PEAK1: variants seen among roughly 807,000 people sequenced by gnomAD.
PEAK1 encodes the protein inactive tyrosine-protein kinase PEAK1.
A neutral mutation model predicts 124.7 loss-of-function variants in PEAK1; 54 were observed. The observed-to-expected ratio is 0.43, with a 90% CI of 0.35 to 0.54. The LOEUF (loss-of-function observed/expected upper bound fraction) is 0.54. Among genes scored for constraint, PEAK1 ranks in the 20% least tolerant of loss-of-function variants. The pLI is 0.01. For synonymous variants in PEAK1, 719 were observed against 760.0 expected, an observed-to-expected ratio of 0.95 and a Z score of 0.89; for missense variants, 2,046 against 2,134.5, an observed-to-expected ratio of 0.96 and a Z score of 0.82.
chr15:77,258,687 T>C (rs900220044), intron 5 of PEAK1, among the ~76,000 whole-genome samples: 2 of 152,204 alleles, frequency 1.3e-5, no homozygotes, highest in Non-Finnish European at 2.9e-5. Flanking sequence ...ACAATTTGAC[T>C]TCCTCTTTTC....
intron 1 of PEAK1, among the ~76,000 whole-genome samples, chr15:77,376,450 C>T (rs1363538006): frequency 1.3e-5 from 2 of 152,056 alleles, no homozygotes; most frequent in African/African-American, 2.4e-5. Flanking sequence ...CAGAATATAC[C>T]TACCCTAGCA....
Position 77,347,588 on chromosome 15 carries a change from TG to T in PEAK1, c.-603+17574del, listed in dbSNP as rs373780740. The stretch of plus-strand genomic sequence containing the variant: ...TTCTGGATGTATTTGTCCTAATACT[TG>T]TTTGACCTACACATTTGAGATAGCC... On this transcript the variant is annotated intron_variant, in intron 2 of 9. Transcript: ENST00000682557. The T allele has an allele frequency of 3.0e-5, 30 of 985,362 alleles. No individual in the cohort carries two copies. The African/African-American group carries it at 4.9e-4, about 16-fold the overall frequency. 61.0% of individuals were successfully genotyped at this position (985,362 alleles called of 1,614,324 possible). A position where few individuals can be genotyped will look rare whatever the true frequency, so the allele number is the denominator to read the frequency against.
chr15:77,381,631 C>T (rs2069489963), intron 1 of PEAK1, among the ~76,000 whole-genome samples: 1 of 152,152 alleles, frequency 6.6e-6, no homozygotes, highest in Admixed American at 6.5e-5. Context: ...ACCAGAAAAT[C>T]ATCCTTTTCA....
intron 9 of PEAK1, among the ~76,000 whole-genome samples, chr15:77,126,214 T>C (rs550489703): frequency 6.6e-6 from 1 of 152,352 alleles, no homozygotes; most frequent in East Asian, 1.9e-4. Context: ...ATTAGTATTC[T>C]GCTACTTTCA....
At position 77,133,858 on chromosome 15, in the gene PEAK1, G is replaced by C. The variant is rs533224309; in HGVS notation, c.3332-108C>G. 1 of 1,229,734 alleles carries C rather than the reference G, an allele frequency of 8.1e-7. No individual in the cohort carries two copies. The highest frequency in any genetic ancestry group is 1.5e-5 in the African/African-American group (1 of 65,774). 76.2% of individuals were successfully genotyped at this position (1,229,734 alleles called of 1,614,324 possible). On this transcript the variant is annotated intron_variant, in intron 8 of 9. Coordinates refer to ENST00000682557, the MANE Select transcript of PEAK1 (RefSeq NM_001385026.1). The surrounding 1 kb of genome is among the most constrained non-coding windows in gnomAD (Gnocchi z 4.2). ...GAGTGAGGTAGCCATGGGAATGTAA[G>C]AATAAGTCAACTCTTTAGTTCAAAA...
At chr15:77,260,189 C>A (rs567296366) in intron 5 of PEAK1, among the ~76,000 whole-genome samples, 2 of 152,014 alleles carry the variant, frequency 1.3e-5, no homozygotes, top group African/African-American at 4.8e-5. Flanking sequence ...GAGTGAGGGG[C>A]CCTAGAATAA....
rs866750462 is a variant in PEAK1 at position 77,181,214 on chromosome 15, T to C, written c.713A>G (p.Glu238Gly). Residue 238 changes from glutamate (E) to glycine (G), a missense_variant, in exon 7 of 10, where the codon GAG (glutamate) becomes GGG (glycine). Transcript: ENST00000682557. Reference protein sequence around the residue: ...PEFSSGEESEEDVLFSNMEEE... With the variant: ...PEFSSGEESEGDVLFSNMEEE... ...CTCCATGTTACTGAAAAGTACATCC[T>C]CTTCACTCTCCTCGCCACTGGAAAA... 1 of 1,614,012 alleles carries C rather than the reference T, an allele frequency of 6.2e-7. No homozygotes were observed. Among genetic ancestry groups the C allele is most frequent in the Middle Eastern group, 1.6e-4 (1 of 6,062 alleles).
intron 5 of PEAK1, among the ~76,000 whole-genome samples, chr15:77,262,314 C>A (rs1202027717): frequency 3.9e-5 from 6 of 152,050 alleles, no homozygotes; most frequent in Admixed American, 3.9e-4. Flanking sequence ...CACAGACTGG[C>A]AAATTGGATA....
chr15:77,153,468 T>C (rs1176529277), intron 8 of PEAK1, among the ~76,000 whole-genome samples: 1 of 152,226 alleles, frequency 6.6e-6, no homozygotes, highest in Non-Finnish European at 1.5e-5. Context: ...GAAGGGTTTT[T>C]TGTGTCTCTA....
In PEAK1 at chr15:77,250,175, G is replaced by GTATATGTATATATATACATATATACATA. The variant is rs1567166323; in HGVS notation, c.-115+2191_-115+2192insTATGTATATATGTATATATATACATATA. On this transcript the variant is annotated intron_variant, in intron 6 of 9. Transcript: ENST00000682557. ...TATATACATATATATACATATATAT[G>GTATATGTATATATATACATATATACATA]TATATGTATATATATACATATATAT... is the stretch of plus-strand genomic sequence containing the variant. 3.3e-3 allele frequency among the ~76,000 whole-genome samples: 436 copies of GTATATGTATATATATACATATATACATA among 130,846 alleles called. 4 individuals are homozygous for GTATATGTATATATATACATATATACATA. Among genetic ancestry groups the GTATATGTATATATATACATATATACATA allele is most frequent in the African/African-American group, 0.012 (401 of 32,634 alleles). The allele number at this position is 130,846 out of a possible 152,430, so 85.8% of individuals were successfully genotyped here. A position where few individuals can be genotyped will look rare whatever the true frequency, so the allele number is the denominator to read the frequency against.
Position 77,181,392 on chromosome 15 carries a change from T to C in PEAK1, c.535A>G (p.Arg179Gly). The part of the protein sequence containing the change: ...ETNSRETFLG[R>G]INDCYKRSLE... ...GATCGTTTATAGCAATCATTTATTC[T>C]TCCCAAGAATGTTTCTCTGGAGTTT... The change falls in exon 7 of 10, where the codon AGA (arginine) becomes GGA (glycine). Residue 179 changes from arginine to glycine, a missense_variant. Physicochemically the swap from Arg to Gly is moderately radical, Grantham distance 125. Transcript: ENST00000682557. The C allele has an allele frequency of 1.9e-6, 3 of 1,614,202 alleles. No homozygotes were observed. The highest frequency in any genetic ancestry group is 2.5e-6 in the Non-Finnish European group (3 of 1,180,026).
chr15:77,356,065 G>C lies in PEAK1; in HGVS notation c.-603+9098C>G, dbSNP rs899983868. The C allele has an allele frequency of 7.8e-6, 3 of 385,510 alleles. No individual in the cohort carries two copies. In the Middle Eastern group the frequency reaches 3.7e-3, roughly 479 times the overall value. 23.9% of individuals were successfully genotyped at this position (385,510 alleles called of 1,614,324 possible). On this transcript the variant is annotated intron_variant, in intron 2 of 9. Coordinates refer to ENST00000682557, the MANE Select transcript of PEAK1 (RefSeq NM_001385026.1). ...ATGTGCACACGACCTGGCCCCAAAC[G>C]TGCATTACTCAGTGATAAAAATTCA...
In PEAK1 at chr15:77,319,499, G is replaced by GA. The variant is rs1327736106; in HGVS notation, c.-602-32996dup. Among the ~76,000 whole-genome samples the GA allele has an allele frequency of 2.6e-5, 4 of 152,248 alleles. No homozygotes were observed. The East Asian group carries it at 7.7e-4, about 29-fold the overall frequency. The stretch of plus-strand genomic sequence containing the variant: ...AAAACTGGTTGTAACTGCCAGACAG[G>GA]AAATTTCTGTTGGATGCAGAGAAGA... On this transcript the variant is annotated intron_variant, in intron 2 of 9. Coordinates refer to ENST00000682557, the MANE Select transcript of PEAK1 (RefSeq NM_001385026.1).
chr15:77,214,932 A>T (rs146191940), intron 6 of PEAK1, among the ~76,000 whole-genome samples: 1 of 152,290 alleles, frequency 6.6e-6, no homozygotes, highest in East Asian at 1.9e-4. Context: ...CGACAAGAGA[A>T]TTGGGTGGGG....
At chr15:77,102,167 G>C (rs1050453744) in exon 7 of PEAK1, 5 of 151,934 alleles carry the variant, frequency 3.3e-5, no homozygotes, top group South Asian at 2.1e-4. Flanking sequence ...TTTTTTTTTA[G>C]ATATGCCACC....
intron 1 of PEAK1, among the ~76,000 whole-genome samples, chr15:77,366,962 C>T (rs1274296873): frequency 6.6e-6 from 1 of 152,004 alleles, no homozygotes; most frequent in African/African-American, 2.4e-5. Context: ...GGTGAAACCC[C>T]GTCTCTACTA....
At chr15:77,390,576 T>A (rs1157790921) in intron 1 of PEAK1, among the ~76,000 whole-genome samples, 3 of 152,188 alleles carry the variant, frequency 2.0e-5, no homozygotes, top group African/African-American at 7.2e-5. Flanking sequence ...GGAAAGCATA[T>A]TAGAATGAAA....
intron 6 of PEAK1, among the ~76,000 whole-genome samples, chr15:77,209,858 T>G (rs979698149): frequency 6.6e-6 from 1 of 152,192 alleles, no homozygotes; most frequent in African/African-American, 2.4e-5. Flanking sequence ...TCTAGCCCAG[T>G]GAAACTTATT....
At chr15:77,149,703 T>G (rs1192819401) in intron 8 of PEAK1, among the ~76,000 whole-genome samples, 1 of 152,134 alleles carries the variant, frequency 6.6e-6, no homozygotes, top group African/African-American at 2.4e-5. Flanking sequence ...GAGTCAAGTA[T>G]ATAGACACTT....
Sources: gnomAD v4.1 joint callset for allele counts (sites outside exome capture counted in the v4.1 genomes callset) on GRCh38, gnomAD v4.1.1 for gene constraint, Gnocchi (gnomAD v3.1) non-coding constraint, MANE v1.5 for transcripts, NCBI Gene and HGNC (gene_info 2026-07-23, HGNC 2026-07-21) for gene names.